Variants in LHFPL3 observed in about 807,000 individuals in gnomAD.
LHFPL3 encodes the protein LHFPL tetraspan subfamily member 3, also known as LHFPL tetraspan subfamily member 3 protein.
Under a neutral mutation model 19.3 loss-of-function variants are expected in LHFPL3, and 5 were observed. The observed-to-expected ratio is 0.26, with a 90% CI of 0.14 to 0.54. The LOEUF (loss-of-function observed/expected upper bound fraction) is 0.54. LHFPL3 is among the 20% of genes least tolerant of loss of function. The pLI is 0.94. For missense variants in LHFPL3, 249 were observed against 307.4 expected, an observed-to-expected ratio of 0.81 and a Z score of 1.42; for synonymous variants, 133 against 126.2, an observed-to-expected ratio of 1.05 and a Z score of -0.36.
chr7:104,835,272 T>C (rs1464756691), intron 2 of LHFPL3, among the ~76,000 whole-genome samples: 1 of 150,134 alleles, frequency 6.7e-6, no homozygotes, highest in Non-Finnish European at 1.5e-5. Context: ...AAGTGCCCCT[T>C]AAATATCGTT....
At chr7:104,630,747 T>C (rs1269725266) in intron 1 of LHFPL3, among the ~76,000 whole-genome samples, 2 of 152,034 alleles carry the variant, frequency 1.3e-5, no homozygotes, top group South Asian at 2.1e-4. Flanking sequence ...CCAGGGAAGG[T>C]TGGATATAAA....
At chr7:104,697,586 T>C (rs1420315820) in intron 1 of LHFPL3, among the ~76,000 whole-genome samples, 1 of 152,228 alleles carries the variant, frequency 6.6e-6, no homozygotes, top group Non-Finnish European at 1.5e-5. Flanking sequence ...TCAAAGAATA[T>C]AAGTATAATA....
intron 1 of LHFPL3, among the ~76,000 whole-genome samples, chr7:104,638,210 A>G: frequency 6.6e-6 from 1 of 152,138 alleles, no homozygotes; most frequent in Middle Eastern, 3.2e-3. Context: ...GTGTATAAGA[A>G]TGCTACTGAT....
intron 1 of LHFPL3, among the ~76,000 whole-genome samples, chr7:104,532,699 T>C (rs1794324911): frequency 6.6e-6 from 1 of 152,204 alleles, no homozygotes; most frequent in African/African-American, 2.4e-5. Context: ...GCAGGCCATC[T>C]CTATTTCTTT....
chr7:104,329,663 C>T (rs921201260), intron 1 of LHFPL3, among the ~76,000 whole-genome samples: 1 of 152,162 alleles, frequency 6.6e-6, no homozygotes, highest in Non-Finnish European at 1.5e-5. Flanking sequence ...TGCCCTGCCC[C>T]TCGCTGCTGG....
chr7:104,438,241 T>G (rs1265835413), intron 1 of LHFPL3, among the ~76,000 whole-genome samples: 2 of 152,232 alleles, frequency 1.3e-5, no homozygotes, highest in Non-Finnish European at 2.9e-5. Context: ...ACTTTTAGCT[T>G]CTTTTCTTTG....
chr7:104,908,025 C>A lies in LHFPL3; in HGVS notation c.*1810C>A, dbSNP rs1431171483. On this transcript the variant is annotated 3_prime_UTR_variant, in exon 3 of 3. Transcript: ENST00000424859. The stretch of plus-strand genomic sequence containing the variant: ...TTAAGTATTAGCTCCCTACTACATC[C>A]ATAACACCCTACTTACTAAATTTAA... Among the ~76,000 whole-genome samples the A allele has an allele frequency of 2.6e-5, 4 of 152,172 alleles. No homozygotes were observed. Among genetic ancestry groups the A allele is most frequent in the African/African-American group, 9.7e-5 (4 of 41,434 alleles).
rs1470386787 is a variant in LHFPL3, at chr7:104,824,835, A to G, written c.683-81352A>G. On this transcript the variant is annotated intron_variant, in intron 2 of 2. Coordinates refer to ENST00000424859, the MANE Select transcript of LHFPL3 (RefSeq NM_199000.3). ...ATATAATGATATATTATATAATTATATATTATATATTATCTAATAATTATA... is the reference window on the plus strand; with the variant it reads ...ATATAATGATATATTATATAATTATGTATTATATATTATCTAATAATTATA... Among the ~76,000 whole-genome samples the G allele has an allele frequency of 1.3e-4, 17 of 129,372 alleles. 1 individual carries two copies. Among genetic ancestry groups the G allele is most frequent in the African/African-American group, 4.4e-4 (15 of 34,168 alleles). 84.9% of individuals were successfully genotyped at this position (129,372 alleles called of 152,430 possible). A position where few individuals can be genotyped will look rare whatever the true frequency, so the allele number is the denominator to read the frequency against.
At chr7:104,710,801 A>G (rs1374152280) in intron 1 of LHFPL3, among the ~76,000 whole-genome samples, 2 of 152,256 alleles carry the variant, frequency 1.3e-5, no homozygotes, top group African/African-American at 2.4e-5. Context: ...TTGTCAAAAT[A>G]TCTTAGGAAA....
chr7:104,860,957 G>A (rs1378808088), intron 2 of LHFPL3, among the ~76,000 whole-genome samples: 1 of 152,130 alleles, frequency 6.6e-6, no homozygotes, highest in Non-Finnish European at 1.5e-5. Context: ...ACAACTACCA[G>A]AGGCAATGCC....
At chr7:104,450,661 G>A (rs144415998) in intron 1 of LHFPL3, among the ~76,000 whole-genome samples, 2,465 of 151,900 alleles carry the variant, frequency 0.016, 26 homozygotes, top group Middle Eastern at 0.048. Context: ...ACCATGGCAC[G>A]TGTATACCTA....
chr7:104,824,762 AATATATT>A (rs1381693941), intron 2 of LHFPL3, among the ~76,000 whole-genome samples: 15 of 31,490 alleles, frequency 4.8e-4, no homozygotes, highest in Admixed American at 2.0e-3. Context: ...TATTATATAT[AATATATT>A]ATATATTATA....
chr7:104,731,346 T>C (rs1793701779), intron 1 of LHFPL3, among the ~76,000 whole-genome samples: 2 of 152,134 alleles, frequency 1.3e-5, no homozygotes, highest in Admixed American at 1.3e-4. Context: ...TGATTCTTCC[T>C]ATCCATGAGG....
At chr7:104,829,129 C>T (rs909851526) in intron 2 of LHFPL3, among the ~76,000 whole-genome samples, 7 of 151,848 alleles carry the variant, frequency 4.6e-5, no homozygotes, top group Non-Finnish European at 8.8e-5. Flanking sequence ...GACTTCAACC[C>T]AGCCCTCACT....
chr7:104,595,368 G>A (rs1790826817), intron 1 of LHFPL3, among the ~76,000 whole-genome samples: 1 of 152,180 alleles, frequency 6.6e-6, no homozygotes, highest in Non-Finnish European at 1.5e-5. Context: ...TATTACTAGC[G>A]GAAGCTGAAG....
At chr7:104,619,571 A>G (rs1050385351) in intron 1 of LHFPL3, among the ~76,000 whole-genome samples, 6 of 152,238 alleles carry the variant, frequency 3.9e-5, no homozygotes, top group Non-Finnish European at 5.9e-5. Context: ...AACCCTACCT[A>G]TTTATTAAAT....
intron 1 of LHFPL3, among the ~76,000 whole-genome samples, chr7:104,389,217 C>G (rs1327742449): frequency 1.3e-5 from 2 of 152,076 alleles, no homozygotes; most frequent in African/African-American, 4.8e-5. Context: ...AATTGTATTT[C>G]TGTACACTAG....
In LHFPL3 at chr7:104,554,763, A is replaced by G. The variant is rs1353625138; in HGVS notation, c.446-181912A>G. On this transcript the variant is annotated intron_variant, in intron 1 of 2. Transcript: ENST00000424859. ...ATTATGAAGGCTGAGAAGTCCCACA[A>G]TAGGCTGTCTGTAAGCTGGAAGCCC... 3.3e-5 allele frequency among the ~76,000 whole-genome samples: 5 copies of G among 152,328 alleles called. No homozygotes were observed. In the South Asian group the frequency reaches 8.3e-4, roughly 25 times the overall value.
chr7:104,387,734 A>T (rs1160573614), intron 1 of LHFPL3, among the ~76,000 whole-genome samples: 1 of 152,212 alleles, frequency 6.6e-6, no homozygotes, highest in African/African-American at 2.4e-5. Flanking sequence ...TCCAAGTAGG[A>T]TAAACTCAGA....
Sources: allele counts gnomAD v4.1 joint callset (sites outside exome capture counted in the v4.1 genomes callset), GRCh38; gene constraint gnomAD v4.1.1; transcripts MANE v1.5; gene names NCBI Gene and HGNC (gene_info 2026-07-23, HGNC 2026-07-21).